The following CFAP61 variants were observed in gnomAD, a reference collection of about 807,000 sequenced individuals.
CFAP61 encodes the protein cilia and flagella associated protein 61.
CFAP61 carries 107 observed loss-of-function variants against 135.6 expected under a neutral mutation model. That is an observed-to-expected ratio of 0.79 (90% CI 0.67 to 0.93). The LOEUF (loss-of-function observed/expected upper bound fraction) is 0.93. Among genes scored for constraint, CFAP61 ranks in the 40% least tolerant of loss-of-function variants. CFAP61 has a pLI of 0.00. For missense variants in CFAP61, 1,507 were observed against 1,556.2 expected (o/e 0.97, Z 0.53); for synonymous variants, 575 against 578.5 (o/e 0.99, Z 0.09).
At chr20:20,294,414 C>A (rs2055238245) in intron 24 of CFAP61, among the ~76,000 whole-genome samples, 1 of 152,178 alleles carries the variant, frequency 6.6e-6, no homozygotes, top group Non-Finnish European at 1.5e-5. Context: ...CCCAGATGGA[C>A]CCCTCCAGTG....
intron 7 of CFAP61, among the ~76,000 whole-genome samples, chr20:20,094,205 T>G (rs1365569960): frequency 6.6e-6 from 1 of 152,228 alleles, no homozygotes; most frequent in Non-Finnish European, 1.5e-5. Context: ...TTTTCTTATA[T>G]TTAGGTTTTG....
chr20:20,262,030 A>C (rs1232287293), intron 20 of CFAP61, among the ~76,000 whole-genome samples: 1 of 152,206 alleles, frequency 6.6e-6, no homozygotes, highest in Non-Finnish European at 1.5e-5. Flanking sequence ...AGTAAATAAT[A>C]ATCTGTTTCT....
intron 15 of CFAP61, among the ~76,000 whole-genome samples, chr20:20,194,621 G>A (rs182622168): frequency 3.3e-5 from 5 of 152,172 alleles, no homozygotes; most frequent in Non-Finnish European, 5.9e-5. Flanking sequence ...TGGGTGGCTG[G>A]CATGGGTATC....
intron 13 of CFAP61, among the ~76,000 whole-genome samples, chr20:20,181,667 G>A (rs573962015): frequency 2.2e-4 from 33 of 152,230 alleles, no homozygotes; most frequent in South Asian, 1.2e-3. Context: ...GAAGCCCTCC[G>A]GAGACCTTGC....
chr20:20,183,489 TA>T (rs757416351), intron 13 of CFAP61, among the ~76,000 whole-genome samples: 1 of 152,108 alleles, frequency 6.6e-6, no homozygotes, highest in East Asian at 1.9e-4. Flanking sequence ...TTGAGCTGAG[TA>T]AAAACCTTTT....
chr20:20,354,744 A>T (rs573677846), intron 26 of CFAP61, among the ~76,000 whole-genome samples: 136 of 140,370 alleles, frequency 9.7e-4, no homozygotes, highest in African/African-American at 3.4e-3. Flanking sequence ...TGAGAGAAAA[A>T]GTAATCATAC....
intron 6 of CFAP61, among the ~76,000 whole-genome samples, chr20:20,087,988 G>A (rs1261156413): frequency 6.6e-6 from 1 of 152,056 alleles, no homozygotes; most frequent in Non-Finnish European, 1.5e-5. Flanking sequence ...AGAAATAGAT[G>A]GACAAGTGGT....
At chr20:20,346,047 G>A (rs2058621604) in intron 26 of CFAP61, among the ~76,000 whole-genome samples, 2 of 140,504 alleles carry the variant, frequency 1.4e-5, no homozygotes, top group African/African-American at 2.5e-5. Context: ...GACTACAGGC[G>A]CCCGCCACCG....
intron 8 of CFAP61, among the ~76,000 whole-genome samples, chr20:20,140,329 G>T (rs2051278061): frequency 6.7e-6 from 1 of 150,272 alleles, no homozygotes; most frequent in Non-Finnish European, 1.5e-5. Flanking sequence ...ATCTCCTAAT[G>T]CTATCCCTCC....
At chr20:20,163,467 A>G (rs2053566913) in intron 10 of CFAP61, among the ~76,000 whole-genome samples, 1 of 152,142 alleles carries the variant, frequency 6.6e-6, no homozygotes, top group African/African-American at 2.4e-5. Flanking sequence ...TTATTATAAT[A>G]TGTATATAAT....
intron 8 of CFAP61, among the ~76,000 whole-genome samples, chr20:20,136,907 A>G (rs1053315374): frequency 3.9e-5 from 6 of 152,164 alleles, no homozygotes. Flanking sequence ...CAGGTATTCA[A>G]AGGAACTTGG....
chr20:20,191,446 C>A, intron 15 of CFAP61, 27 bp downstream of exon 15: 1 of 1,554,552 alleles, frequency 6.4e-7, no homozygotes, highest in Non-Finnish European at 8.9e-7. Context: ...ATATAAATTT[C>A]TTTGATTGTG....
At chr20:20,227,674 A>G (rs540241998) in intron 17 of CFAP61, among the ~76,000 whole-genome samples, 1 of 152,324 alleles carries the variant, frequency 6.6e-6, no homozygotes, top group African/African-American at 2.4e-5. Context: ...AGGTTGAACA[A>G]CCCTAATAAT....
At chr20:20,099,032 C>T (rs1053133956) in intron 8 of CFAP61, among the ~76,000 whole-genome samples, 3 of 151,952 alleles carry the variant, frequency 2.0e-5, no homozygotes, top group African/African-American at 7.3e-5. Context: ...GGACTTGGGG[C>T]CTTAGGGCTC....
intron 18 of CFAP61, among the ~76,000 whole-genome samples, chr20:20,234,665 C>G (rs992374107): frequency 6.6e-6 from 1 of 152,128 alleles, no homozygotes; most frequent in Non-Finnish European, 1.5e-5. Flanking sequence ...ATCAGCATTA[C>G]CTGGGAAGCT....
intron 17 of CFAP61, chr20:20,200,962 T>C (rs2146895769): frequency 1.0e-6 from 1 of 985,288 alleles, no homozygotes; most frequent in South Asian, 4.7e-5. Flanking sequence ...TACATTCATC[T>C]TTATATTTGT....
chr20:20,282,243 C>A (rs2054252592), intron 22 of CFAP61, among the ~76,000 whole-genome samples: 1 of 151,424 alleles, frequency 6.6e-6, no homozygotes, highest in Admixed American at 6.6e-5. Flanking sequence ...TTTTATTGAT[C>A]TTTTTCAATT....
At chr20:20,340,676 A>T (rs1330777274) in intron 25 of CFAP61, among the ~76,000 whole-genome samples, 1 of 152,088 alleles carries the variant, frequency 6.6e-6, no homozygotes, top group Non-Finnish European at 1.5e-5. Flanking sequence ...CCGCCACCAG[A>T]CGGAGGTGGC....
chr20:20,194,361 T>C (rs1340147793), intron 15 of CFAP61, among the ~76,000 whole-genome samples: 3 of 152,222 alleles, frequency 2.0e-5, no homozygotes, highest in Non-Finnish European at 4.4e-5. Context: ...AGTTCACCTA[T>C]TTAACTTCCG....
Sources: allele counts gnomAD v4.1 joint callset (sites outside exome capture counted in the v4.1 genomes callset), GRCh38; gene constraint gnomAD v4.1.1; transcripts MANE v1.5; gene names NCBI Gene and HGNC (gene_info 2026-07-23, HGNC 2026-07-21).